The following ALK variants were observed in gnomAD, a reference collection of about 807,000 sequenced individuals.
ALK encodes ALK tyrosine kinase receptor.
In ALK, 74 loss-of-function variants were observed where a neutral mutation model predicts 163.1. The ratio of observed to expected loss-of-function variants is 0.45; its 90% CI spans 0.38 to 0.55. The LOEUF (loss-of-function observed/expected upper bound fraction) is 0.55, where lower values mean the gene tolerates loss of function less well. Ranked by LOEUF, ALK falls within the 20% of genes least tolerant of loss-of-function variation. The pLI is 0.00. For synonymous variants in ALK, 960 were observed against 843.2 expected, an observed-to-expected ratio of 1.14 and a Z score of -2.40; for missense variants, 2,063 against 2,105.3, an observed-to-expected ratio of 0.98 and a Z score of 0.39.
chr2:29,474,664 G>C (rs937833046), intron 4 of ALK, among the ~76,000 whole-genome samples: 10 of 152,156 alleles, frequency 6.6e-5, no homozygotes, highest in African/African-American at 2.4e-4. Flanking sequence ...TGAATTTTTT[G>C]CCTCTAGGAA....
chr2:29,302,296 T>A (rs1344226793), intron 8 of ALK, among the ~76,000 whole-genome samples: 1 of 152,176 alleles, frequency 6.6e-6, no homozygotes, highest in East Asian at 1.9e-4. Flanking sequence ...GGCAGGTGGA[T>A]CACCTGAGGT....
intron 1 of ALK, among the ~76,000 whole-genome samples, chr2:29,872,669 T>A (rs566492522): frequency 6.6e-6 from 1 of 152,312 alleles, no homozygotes; most frequent in East Asian, 1.9e-4. Flanking sequence ...AAAATTCAAA[T>A]TTTGAAGTAC....
intron 1 of ALK, among the ~76,000 whole-genome samples, chr2:29,789,122 A>T (rs1664124058): frequency 2.0e-5 from 3 of 151,594 alleles, no homozygotes; most frequent in Admixed American, 2.0e-4. Flanking sequence ...ATCCCAAGGC[A>T]ATATGAACAC....
intron 1 of ALK, among the ~76,000 whole-genome samples, chr2:29,868,006 G>T (rs1666482313): frequency 6.6e-6 from 1 of 152,212 alleles, no homozygotes; most frequent in Non-Finnish European, 1.5e-5. Context: ...GGAGAGCAAG[G>T]TGGCAGGAAC....
chr2:29,562,885 G>T (rs1474750435), intron 3 of ALK, among the ~76,000 whole-genome samples: 1 of 152,206 alleles, frequency 6.6e-6, no homozygotes, highest in African/African-American at 2.4e-5. Context: ...AAAGGATTGG[G>T]TCTATCTTAA....
At chr2:29,845,702 A>C (rs1418227787) in intron 1 of ALK, among the ~76,000 whole-genome samples, 1 of 152,226 alleles carries the variant, frequency 6.6e-6, no homozygotes, top group East Asian at 1.9e-4. Flanking sequence ...CAAAAGTACT[A>C]GGATGACAGG....
chr2:29,755,264 T>C (rs1680484066), intron 1 of ALK, among the ~76,000 whole-genome samples: 1 of 152,042 alleles, frequency 6.6e-6, no homozygotes, highest in Admixed American at 6.5e-5. Context: ...GGACTTGGAG[T>C]CCCTGCCGGT....
intron 2 of ALK, among the ~76,000 whole-genome samples, chr2:29,710,499 C>CGTGTGTGTGTGTGTGTGTGTGT (rs55939983): frequency 6.9e-6 from 1 of 144,662 alleles, no homozygotes; most frequent in Non-Finnish European, 1.5e-5. Context: ...AGTCTGTGTG[C>CGTGTGTGTGTGTGTGTGTGTGT]GTGTGTGTGT....
chr2:29,236,336 C>T (rs1375938097), intron 13 of ALK, among the ~76,000 whole-genome samples: 1 of 152,174 alleles, frequency 6.6e-6, no homozygotes, highest in Admixed American at 6.5e-5. Context: ...GGGACCTCCA[C>T]CCCTAGGTGA....
intron 5 of ALK, among the ~76,000 whole-genome samples, chr2:29,363,794 C>T (rs1668436489): frequency 6.6e-6 from 1 of 152,154 alleles, no homozygotes; most frequent in Admixed American, 6.5e-5. Context: ...CAGACTCAGC[C>T]ATCTCTTCAG....
intron 1 of ALK, among the ~76,000 whole-genome samples, chr2:29,874,543 A>G (rs567138735): frequency 2.6e-5 from 4 of 152,318 alleles, no homozygotes; most frequent in South Asian, 4.1e-4. Flanking sequence ...ATGCACCTAG[A>G]TGAAATACTA....
intron 3 of ALK, among the ~76,000 whole-genome samples, chr2:29,638,649 G>A (rs1466017409): frequency 2.0e-5 from 3 of 152,060 alleles, no homozygotes; most frequent in Non-Finnish European, 4.4e-5. Flanking sequence ...AGCTTCACAT[G>A]GAACAGCTCC....
At chr2:29,807,347 G>C (rs1664646941) in intron 1 of ALK, among the ~76,000 whole-genome samples, 1 of 152,230 alleles carries the variant, frequency 6.6e-6, no homozygotes, top group Non-Finnish European at 1.5e-5. Flanking sequence ...TGTGAGTCTT[G>C]TGCTATTGAT....
chr2:29,775,218 G>A (rs1681138937), intron 1 of ALK, among the ~76,000 whole-genome samples: 1 of 152,172 alleles, frequency 6.6e-6, no homozygotes, highest in Non-Finnish European at 1.5e-5. Flanking sequence ...TGAATTAGAT[G>A]GGGATTTGAA....
chr2:29,441,497 C>T (rs1670544196), intron 4 of ALK, among the ~76,000 whole-genome samples: 1 of 152,284 alleles, frequency 6.6e-6, no homozygotes, highest in East Asian at 1.9e-4. Flanking sequence ...AGCTCTTGAT[C>T]AGTGCTCATC....
At chr2:29,563,837 CAAGT>C (rs1045476565) in intron 3 of ALK, among the ~76,000 whole-genome samples, 2 of 152,280 alleles carry the variant, frequency 1.3e-5, no homozygotes, top group Middle Eastern at 3.4e-3. Flanking sequence ...AGCATACACA[CAAGT>C]AATAATGTTT....
chr2:29,896,020 T>A, intron 1 of ALK, among the ~76,000 whole-genome samples: 1 of 152,198 alleles, frequency 6.6e-6, no homozygotes, highest in East Asian at 1.9e-4. Flanking sequence ...AATGTGTCCC[T>A]AGGATCCATG....
intron 4 of ALK, among the ~76,000 whole-genome samples, chr2:29,401,147 G>A (rs924492637): frequency 2.6e-5 from 4 of 152,118 alleles, no homozygotes; most frequent in African/African-American, 9.7e-5. Flanking sequence ...CTCAGCTCCT[G>A]TCTCAGCCCC....
At chr2:29,887,349 T>C (rs1002838648) in intron 1 of ALK, among the ~76,000 whole-genome samples, 1 of 152,194 alleles carries the variant, frequency 6.6e-6, no homozygotes, top group African/African-American at 2.4e-5. Flanking sequence ...AGTGTCTTCA[T>C]GGGTATCTCA....
Sources: gnomAD v4.1 joint callset for allele counts (sites outside exome capture counted in the v4.1 genomes callset) on GRCh38, gnomAD v4.1.1 for gene constraint, MANE v1.5 for transcripts, NCBI Gene and HGNC (gene_info 2026-07-23, HGNC 2026-07-21) for gene names.